The following SNX25 variants were observed in gnomAD, a reference collection of about 807,000 sequenced individuals.
SNX25 encodes sorting nexin-25.
Under a neutral mutation model 113.7 loss-of-function variants are expected in SNX25, and 62 were observed. That is an observed-to-expected ratio of 0.55 (90% CI 0.44 to 0.67). SNX25 has a LOEUF of 0.67. Ranked by LOEUF, SNX25 falls within the 30% of genes least tolerant of loss-of-function variation. SNX25 has a pLI of 0.00. For missense variants in SNX25, 1,014 were observed against 1,161.0 expected (o/e 0.87, Z 1.84); for synonymous variants, 421 against 436.2 (o/e 0.97, Z 0.43).
chr4:185,240,658 C>T (rs188660959), intron 1 of SNX25, among the ~76,000 whole-genome samples: 1 of 150,684 alleles, frequency 6.6e-6, no homozygotes, highest in Non-Finnish European at 1.5e-5. Context: ...GGCTAACCCC[C>T]CCACCTCCCT....
chr4:185,281,743 C>T lies in SNX25; in HGVS notation c.1092-6269C>T, dbSNP rs182047730. On this transcript the variant is annotated intron_variant, in intron 5 of 18. Transcript: ENST00000652585. ...CTTATAAAATTCTTTAAGCTGGGTG[C>T]GGTGGTTCATGCCTGAAATCCCAGC... Among the ~76,000 whole-genome samples, 496 of 152,250 alleles carry T rather than the reference C, an allele frequency of 3.3e-3. 4 individuals are homozygous for T. Among genetic ancestry groups the T allele is most frequent in the South Asian group, 0.013 (63 of 4,822 alleles).
At chr4:185,248,866 T>A (rs1342216855) in intron 2 of SNX25, among the ~76,000 whole-genome samples, 1 of 152,192 alleles carries the variant, frequency 6.6e-6, no homozygotes, top group Non-Finnish European at 1.5e-5. Context: ...TGGTATCACT[T>A]CATTTTGTCT....
downstream of SNX25, chr4:185,371,208 A>G (rs773643135): frequency 7.2e-4 from 120 of 166,524 alleles, no homozygotes; most frequent in Non-Finnish European, 1.2e-3. Context: ...TTAGCCACAT[A>G]GGACCAGAAA....
downstream of SNX25, chr4:185,367,028 C>G: frequency 1.4e-6 from 1 of 697,492 alleles, no homozygotes; most frequent in East Asian, 2.6e-5. Flanking sequence ...AACTTAACAG[C>G]GTACGAATTC....
chr4:185,328,546 G>A (rs1159730320), intron 9 of SNX25, among the ~76,000 whole-genome samples: 1 of 152,154 alleles, frequency 6.6e-6, no homozygotes. Flanking sequence ...GAATATACTC[G>A]TAGCTTGGAT....
intron 1 of SNX25, among the ~76,000 whole-genome samples, chr4:185,211,334 A>G (rs979451600): frequency 1.3e-5 from 2 of 152,232 alleles, no homozygotes; most frequent in Admixed American, 6.5e-5. Context: ...GCAGTATATT[A>G]AGGAGCAGGC....
Position 185,320,862 on chromosome 4 carries a change from A to C in SNX25, c.1474A>C (p.Lys492Gln). ...ESVEHLKNAN[K>Q]NEIPQLVGEI... ...TGTGGAACATTTAAAGAATGCTAAC[A>C]AGGTAGTATATGTAGGCTGAAAGGA... is the stretch of plus-strand genomic sequence containing the variant. The change falls in exon 8 of 19, where the codon AAG (lysine) becomes CAG (glutamine). Residue 492 changes from lysine to glutamine, a missense_variant and splice_region_variant. Coordinates refer to ENST00000652585, the MANE Select transcript of SNX25 (RefSeq NM_001378034.2). The C allele has an allele frequency of 6.3e-7, 1 of 1,595,398 alleles. No individual in the cohort carries two copies. The highest frequency in any genetic ancestry group is 8.5e-7 in the Non-Finnish European group (1 of 1,173,290).
chr4:185,373,144 A>T, downstream of SNX25: 2 of 1,401,724 alleles, frequency 1.4e-6, no homozygotes, highest in Admixed American at 3.7e-5. Flanking sequence ...AGGGAATACT[A>T]GACAGAAAAG....
At chr4:185,324,926 A>G (rs896525619) in intron 9 of SNX25, among the ~76,000 whole-genome samples, 15 of 152,178 alleles carry the variant, frequency 9.9e-5, no homozygotes, top group African/African-American at 3.6e-4. Flanking sequence ...AGTTGCTGTG[A>G]AATAGCTGTA....
chr4:185,340,665 TCA>T (rs1471598101), intron 11 of SNX25, among the ~76,000 whole-genome samples: 22 of 152,178 alleles, frequency 1.4e-4, no homozygotes, highest in Admixed American at 1.4e-3. Context: ...TGTTACCTCC[TCA>T]GTTTTGCTTA....
chr4:185,371,364 C>A (rs985795221), downstream of SNX25, among the ~76,000 whole-genome samples: 13 of 151,788 alleles, frequency 8.6e-5, no homozygotes, highest in East Asian at 3.9e-4. Context: ...ATGGTGAAAC[C>A]CCGTCTCTAC....
chr4:185,323,341 G>T (rs2095134330), intron 8 of SNX25, among the ~76,000 whole-genome samples, 187 bp from the exon 9 acceptor site: 2 of 151,808 alleles, frequency 1.3e-5, no homozygotes, highest in Non-Finnish European at 1.5e-5. Flanking sequence ...TTCATTTAAA[G>T]AATTAGTTTT....
At chr4:185,207,406 C>G (rs755325387), upstream of SNX25, among the ~76,000 whole-genome samples, 1 of 151,560 alleles carries the variant, frequency 6.6e-6, no homozygotes, top group South Asian at 2.1e-4. Flanking sequence ...TTAGTAGAGA[C>G]GGGGTTTTGC....
exon 12 of SNX25, chr4:185,370,110 CCTTG>C (rs1394524568): frequency 1.2e-5 from 2 of 160,190 alleles, no homozygotes; most frequent in Non-Finnish European, 2.8e-5. Flanking sequence ...CTACCACACC[CCTTG>C]CTTTTTAGTA....
intron 5 of SNX25, among the ~76,000 whole-genome samples, chr4:185,281,525 G>C (rs1270672262): frequency 6.6e-6 from 1 of 152,166 alleles, no homozygotes; most frequent in African/African-American, 2.4e-5. Flanking sequence ...GCCATCCACT[G>C]TGAGAGCTCA....
chr4:185,323,092 T>C (rs919657350), intron 8 of SNX25, among the ~76,000 whole-genome samples: 5 of 152,266 alleles, frequency 3.3e-5, no homozygotes, highest in African/African-American at 1.2e-4. Context: ...TTCTGAAGAG[T>C]GTTTTTCTCG....
intron 7 of SNX25, among the ~76,000 whole-genome samples, chr4:185,313,858 A>G (rs184700732): frequency 6.6e-6 from 1 of 152,212 alleles, no homozygotes. Flanking sequence ...CTTGTATGTT[A>G]TGTGTATTAT....
chr4:185,345,220 T>A (rs1451925447), intron 12 of SNX25, among the ~76,000 whole-genome samples: 1 of 152,180 alleles, frequency 6.6e-6, no homozygotes, highest in Non-Finnish European at 1.5e-5. Flanking sequence ...CCCTGCCCTT[T>A]CCTACGGTGT....
At chr4:185,322,156 G>A (rs1455931218) in intron 8 of SNX25, among the ~76,000 whole-genome samples, 1 of 152,218 alleles carries the variant, frequency 6.6e-6, no homozygotes, top group African/African-American at 2.4e-5. Context: ...CAAGAGGCTG[G>A]ATGCGGTGGC....
Sources: allele counts gnomAD v4.1 joint callset (sites outside exome capture counted in the v4.1 genomes callset), GRCh38; gene constraint gnomAD v4.1.1; transcripts MANE v1.5; gene names NCBI Gene and HGNC (gene_info 2026-07-23, HGNC 2026-07-21).